DAPK1: variants seen among roughly 807,000 people sequenced by gnomAD.
The protein encoded by DAPK1 is death associated protein kinase 1.
In DAPK1, 56 loss-of-function variants were observed where a neutral mutation model predicts 144.9. That is an observed-to-expected ratio of 0.39 (90% CI 0.31 to 0.48). The LOEUF is 0.48. Ranked by LOEUF, DAPK1 falls within the 20% of genes least tolerant of loss-of-function variation. The probability of loss-of-function intolerance (pLI) is 0.95; values close to 1 mark genes in which losing one functional copy is unlikely to be tolerated. For missense variants in DAPK1, 1,454 were observed against 1,875.4 expected (o/e 0.78, Z 4.15); for synonymous variants, 690 against 749.0 (o/e 0.92, Z 1.29).
At chr9:87,633,899 A>G (rs1829796544) in intron 3 of DAPK1, among the ~76,000 whole-genome samples, 1 of 152,168 alleles carries the variant, frequency 6.6e-6, no homozygotes, top group Non-Finnish European at 1.5e-5. Context: ...TTTATTAAGA[A>G]CTATACTTAG....
rs36210041 is a variant in DAPK1 at position 87,629,398 on chromosome 9, A to G, written c.285-8545A>G. On this transcript the variant is annotated intron_variant, in intron 3 of 25. Transcript: ENST00000408954. ...CTTTAGAGGGAGCATGGCTCTGTAG[A>G]CACCTTGATTTTGGACTTGTAACCT... Among the ~76,000 whole-genome samples, 538 of 152,326 alleles carry G rather than the reference A, an allele frequency of 3.5e-3. 6 individuals are homozygous for G. The highest frequency in any genetic ancestry group is 0.012 in the African/African-American group (517 of 41,572).
chr9:87,525,264 GCTT>G (rs749270225), intron 2 of DAPK1: 13 of 1,487,448 alleles, frequency 8.7e-6, no homozygotes, highest in African/African-American at 1.4e-5. Flanking sequence ...GTTGAATAGA[GCTT>G]CTTGCTTTTA....
intron 17 of DAPK1, among the ~76,000 whole-genome samples, chr9:87,652,364 C>T (rs1393959655): frequency 1.2e-4 from 8 of 68,184 alleles, no homozygotes; most frequent in East Asian, 6.7e-4. Flanking sequence ...CTGTGTCCTC[C>T]CACCTGATCC....
chr9:87,541,009 T>G (rs543968067), intron 2 of DAPK1, among the ~76,000 whole-genome samples: 13 of 152,336 alleles, frequency 8.5e-5, no homozygotes, highest in African/African-American at 3.1e-4. Context: ...ATCAGGAACA[T>G]TATTGTACTT....
At chr9:87,643,612 G>T (rs573815413) in intron 11 of DAPK1, 144 bp downstream of exon 11, 4 of 591,836 alleles carry the variant, frequency 6.8e-6, no homozygotes, top group Non-Finnish European at 9.0e-6. Flanking sequence ...GGGGTTTGGG[G>T]GTGCTGATTG....
At chr9:87,557,799 G>A (rs748952996) in intron 2 of DAPK1, among the ~76,000 whole-genome samples, 3 of 152,244 alleles carry the variant, frequency 2.0e-5, no homozygotes, top group East Asian at 1.9e-4. Flanking sequence ...AAATTAGCTC[G>A]GTGTGGTGGC....
Position 87,552,758 on chromosome 9 carries a change from ATTT to A in DAPK1, c.63-52183_63-52181del, listed in dbSNP as rs33983483. The stretch of plus-strand genomic sequence containing the variant: ...AGACATGCCCCACTGTACCCCGTTA[ATTT>A]TTTTTTTTTTTTAAGATTTCTAGTA... On this transcript the variant is annotated intron_variant, in intron 2 of 25. Coordinates refer to ENST00000408954, the MANE Select transcript of DAPK1 (RefSeq NM_004938.4). 1.2e-3 allele frequency among the ~76,000 whole-genome samples: 174 copies of A among 145,310 alleles called. 1 individual carries two copies. The highest frequency in any genetic ancestry group is 2.3e-3 in the Admixed American group (34 of 14,510).
chr9:87,527,533 C>T (rs1825557832), intron 2 of DAPK1, among the ~76,000 whole-genome samples: 1 of 152,212 alleles, frequency 6.6e-6, no homozygotes, highest in Admixed American at 6.5e-5. Context: ...GAGCTTGCTC[C>T]TGCTGAGGTG....
chr9:87,544,712 T>C (rs1460152449), intron 2 of DAPK1, among the ~76,000 whole-genome samples: 1 of 152,214 alleles, frequency 6.6e-6, no homozygotes, highest in African/African-American at 2.4e-5. Context: ...AGATGGATTA[T>C]GCATGTAAGA....
chr9:87,670,996 A>G (rs1831231408), intron 19 of DAPK1, among the ~76,000 whole-genome samples: 1 of 152,206 alleles, frequency 6.6e-6, no homozygotes, highest in South Asian at 2.1e-4. Context: ...TGTTTGGACG[A>G]GTCTGAAAAC....
intron 2 of DAPK1, among the ~76,000 whole-genome samples, chr9:87,586,869 CTAAG>C (rs1827956245): frequency 6.6e-6 from 1 of 152,196 alleles, no homozygotes; most frequent in Non-Finnish European, 1.5e-5. Flanking sequence ...TAAAAAACCT[CTAAG>C]TAACATTGTT....
At chr9:87,518,283 T>TTTTA (rs2118203831) in intron 2 of DAPK1, among the ~76,000 whole-genome samples, 1 of 148,742 alleles carries the variant, frequency 6.7e-6, no homozygotes, top group African/African-American at 2.5e-5. Context: ...AGCTAATTTT[T>TTTTA]TTTTTTTTTT....
chr9:87,668,259 A>T (rs1283014702), intron 18 of DAPK1, among the ~76,000 whole-genome samples: 1 of 152,162 alleles, frequency 6.6e-6, no homozygotes, highest in Non-Finnish European at 1.5e-5. Context: ...TGTCTGCCTG[A>T]TTGGAGATTG....
chr9:87,571,729 A>C (rs948981613), intron 2 of DAPK1, among the ~76,000 whole-genome samples: 3 of 152,180 alleles, frequency 2.0e-5, no homozygotes, highest in African/African-American at 7.2e-5. Context: ...ATCTGCGGGC[A>C]GTGCGTGCGT....
chr9:87,592,064 C>G lies in DAPK1; in HGVS notation c.63-12890C>G, dbSNP rs36206044. Among the ~76,000 whole-genome samples, 768 of 152,326 alleles carry G rather than the reference C, an allele frequency of 5.0e-3. 9 individuals carry two copies. Among genetic ancestry groups the G allele is most frequent in the African/African-American group, 0.017 (705 of 41,576 alleles). On this transcript the variant is annotated intron_variant, in intron 2 of 25. Transcript: ENST00000408954. ...CCCATTATGCTGAGCATGGTGGATT[C>G]TTTAAACAGGCCAGGCTGTCTGACC...
In DAPK1 at chr9:87,622,203, G is replaced by A. The variant is rs77127156; in HGVS notation, c.285-15740G>A. ...CCATTTCTCTTTCCCATGCGCCCTC[G>A]CTCCCTATCCCCTGTGGAAACAAAA... On this transcript the variant is annotated intron_variant, in intron 3 of 25. Coordinates refer to ENST00000408954, the MANE Select transcript of DAPK1 (RefSeq NM_004938.4). Among the ~76,000 whole-genome samples, 533 of 151,850 alleles carry A rather than the reference G, an allele frequency of 3.5e-3. 6 individuals carry two copies. Among genetic ancestry groups the A allele is most frequent in the East Asian group, 0.011 (58 of 5,138 alleles).
intron 3 of DAPK1, among the ~76,000 whole-genome samples, chr9:87,624,760 A>T (rs917519185): frequency 1.3e-5 from 2 of 152,214 alleles, no homozygotes; most frequent in Non-Finnish European, 2.9e-5. Context: ...TGTAACATCA[A>T]TGCCCACCAC....
At chr9:87,687,821 T>G (rs989745766) in intron 21 of DAPK1, among the ~76,000 whole-genome samples, 2 of 152,206 alleles carry the variant, frequency 1.3e-5, no homozygotes, top group African/African-American at 4.8e-5. Context: ...TTTTTTTGTC[T>G]TTTTAATAAT....
chr9:87,659,093 C>T (rs556146720), intron 18 of DAPK1, among the ~76,000 whole-genome samples: 27 of 152,338 alleles, frequency 1.8e-4, no homozygotes, highest in African/African-American at 5.5e-4. Flanking sequence ...GCCACAGAGC[C>T]GAAACACCTA....
Sources: gnomAD v4.1 joint callset for allele counts (sites outside exome capture counted in the v4.1 genomes callset) on GRCh38, gnomAD v4.1.1 for gene constraint, MANE v1.5 for transcripts, NCBI Gene and HGNC (gene_info 2026-07-23, HGNC 2026-07-21) for gene names.